Variants in AJAP1 observed in about 807,000 individuals in gnomAD.
The protein encoded by AJAP1 is adherens junctions associated protein 1, also known as adherens junction-associated protein 1.
A neutral mutation model predicts 35.0 loss-of-function variants in AJAP1; 5 were observed. The ratio of observed to expected loss-of-function variants is 0.14; its 90% CI spans 0.07 to 0.30. The LOEUF (loss-of-function observed/expected upper bound fraction) is 0.30, where lower values mean the gene tolerates loss of function less well. Among genes scored for constraint, AJAP1 ranks in the 10% least tolerant of loss-of-function variants. AJAP1 has a pLI of 1.00. For missense variants in AJAP1, 586 were observed against 571.0 expected, an observed-to-expected ratio of 1.03 and a Z score of -0.27; for synonymous variants, 284 against 249.3, an observed-to-expected ratio of 1.14 and a Z score of -1.31.
intron 2 of AJAP1, among the ~76,000 whole-genome samples, chr1:4,726,142 G>T (rs1640653213): frequency 6.6e-6 from 1 of 151,940 alleles, no homozygotes; most frequent in African/African-American, 2.4e-5. Flanking sequence ...GAGTTGGAGA[G>T]AGCTGGGCAC....
intron 5 of AJAP1, among the ~76,000 whole-genome samples, chr1:4,780,300 G>A (rs572061639): frequency 7.2e-4 from 108 of 150,832 alleles, no homozygotes; most frequent in African/African-American, 2.3e-3. Flanking sequence ...CTCACTCCCC[G>A]TCTCCCCCCA....
chr1:4,709,651 G>A (rs973214889), intron 1 of AJAP1, among the ~76,000 whole-genome samples: 8 of 152,220 alleles, frequency 5.3e-5, no homozygotes, highest in African/African-American at 1.9e-4. Context: ...ACCTTAGTGT[G>A]TATATGGGGG....
intron 2 of AJAP1, among the ~76,000 whole-genome samples, chr1:4,745,767 T>G (rs1466020398): frequency 6.6e-6 from 1 of 152,166 alleles, no homozygotes; most frequent in Non-Finnish European, 1.5e-5. Flanking sequence ...TGCTGGGTCC[T>G]GGGCAGCGCT....
At chr1:4,663,316 A>G (rs1425766815) in intron 1 of AJAP1, among the ~76,000 whole-genome samples, 1 of 151,536 alleles carries the variant, frequency 6.6e-6, no homozygotes, top group African/African-American at 2.4e-5. Context: ...GGCCAGGGTC[A>G]TAGGCACAGG....
intron 1 of AJAP1, among the ~76,000 whole-genome samples, chr1:4,707,511 G>A (rs1241488518): frequency 6.6e-6 from 1 of 152,094 alleles, no homozygotes; most frequent in African/African-American, 2.4e-5. Flanking sequence ...ACCGGGCACC[G>A]TGTAGCCTTG....
Position 4,655,567 on chromosome 1 carries a change from G to A in AJAP1, c.29+113G>A. 7.4e-7 allele frequency: 1 copy of A among 1,358,598 alleles called. No homozygotes were observed. Among genetic ancestry groups the A allele is most frequent in the Non-Finnish European group, 1.0e-6 (1 of 1,003,206 alleles). 84.2% of individuals were successfully genotyped at this position (1,358,598 alleles called of 1,614,324 possible). A position where few individuals can be genotyped will look rare whatever the true frequency, so the allele number is the denominator to read the frequency against. ...AGGGACCCCTCTTCGCTTCCCGCAAGCGGGCAACGGGGTGCACCGGTAGCC... is the reference window on the plus strand; with the variant it reads ...AGGGACCCCTCTTCGCTTCCCGCAAACGGGCAACGGGGTGCACCGGTAGCC... On this transcript the variant is annotated intron_variant, in intron 1 of 5. Coordinates refer to ENST00000378191, the MANE Select transcript of AJAP1 (RefSeq NM_018836.4). The surrounding 1 kb of genome is among the most constrained non-coding windows in gnomAD (Gnocchi z 6.9).
rs1251200302 is a variant in AJAP1, at chr1:4,720,215, G to A, written c.829+7516G>A. Reference sequence around the variant, plus strand: ...CGAGTAATGGACCCATGTGCCACGTGGTTAGACATGAAGACAGGCTTCGGG... The same window carrying A: ...CGAGTAATGGACCCATGTGCCACGTAGTTAGACATGAAGACAGGCTTCGGG... On this transcript the variant is annotated intron_variant, in intron 2 of 5. Coordinates refer to ENST00000378191, the MANE Select transcript of AJAP1 (RefSeq NM_018836.4). This position sits in a 1 kb window ranked among gnomAD's most constrained non-coding sequence, Gnocchi z 4.4. Among the ~76,000 whole-genome samples, 2 of 152,206 alleles carry A rather than the reference G, an allele frequency of 1.3e-5. No individual in the cohort carries two copies. The highest frequency in any genetic ancestry group is 4.8e-5 in the African/African-American group (2 of 41,442).
chr1:4,708,824 C>A (rs1044304639), intron 1 of AJAP1, among the ~76,000 whole-genome samples: 1 of 128,158 alleles, frequency 7.8e-6, no homozygotes, highest in Non-Finnish European at 1.7e-5. Flanking sequence ...CCCTGCCCCC[C>A]ACATTTCTTG....
Position 4,655,652 on chromosome 1 carries a change from G to C in AJAP1, c.29+198G>C, listed in dbSNP as rs1208681910. Among the ~76,000 whole-genome samples, 1 of 151,324 alleles carries C rather than the reference G, an allele frequency of 6.6e-6. No individual in the cohort carries two copies. Among genetic ancestry groups the C allele is most frequent in the African/African-American group, 2.4e-5 (1 of 41,352 alleles). ...CCGCGGCCCTGGCGGGGAGCGGCCG[G>C]GTCTCCAGGGTTCCGCGCGTCCGGG... On this transcript the variant is annotated intron_variant, in intron 1 of 5. Coordinates refer to ENST00000378191, the MANE Select transcript of AJAP1 (RefSeq NM_018836.4). The surrounding 1 kb of genome is among the most constrained non-coding windows in gnomAD (Gnocchi z 6.9).
chr1:4,713,088 C>T (rs1286267973), intron 2 of AJAP1, among the ~76,000 whole-genome samples: 1 of 152,110 alleles, frequency 6.6e-6, no homozygotes, highest in Non-Finnish European at 1.5e-5. Context: ...GATGCTTGCC[C>T]GTCTCGTGAT....
intron 2 of AJAP1, among the ~76,000 whole-genome samples, chr1:4,768,739 G>A (rs901888712): frequency 7.2e-5 from 11 of 152,318 alleles, no homozygotes; most frequent in Middle Eastern, 3.4e-3. Flanking sequence ...CGGGCTTGGC[G>A]GACTCCCTCA....
chr1:4,727,124 G>A (rs866032912), intron 2 of AJAP1, among the ~76,000 whole-genome samples: 7 of 152,366 alleles, frequency 4.6e-5, no homozygotes, highest in Middle Eastern at 3.4e-3. Flanking sequence ...TCGGAGCTGG[G>A]GCGCACACAG....
At chr1:4,748,747 CAAAA>C (rs70955802) in intron 2 of AJAP1, among the ~76,000 whole-genome samples, 29,849 of 98,342 alleles carry the variant, frequency 0.3, 3,635 homozygotes, top group Middle Eastern at 0.37. Context: ...GACTCTGTCT[CAAAA>C]AAAAAAAAAA....
chr1:4,760,628 G>A (rs1217100339), intron 2 of AJAP1, among the ~76,000 whole-genome samples: 2 of 152,184 alleles, frequency 1.3e-5, no homozygotes, highest in African/African-American at 4.8e-5. Context: ...CCCATCTGTT[G>A]GGCCGCATTC....
At chr1:4,725,289 G>A (rs964155744) in intron 2 of AJAP1, among the ~76,000 whole-genome samples, 4 of 152,156 alleles carry the variant, frequency 2.6e-5, no homozygotes, top group African/African-American at 9.7e-5. Flanking sequence ...TGCTCCAGTG[G>A]GCACTCACTT....
At position 4,723,893 on chromosome 1, in the gene AJAP1, C is replaced by T. The variant is rs1640585076; in HGVS notation, c.829+11194C>T. ...TGTGGCAGGGACGGAGGAACGGGGA[C>T]AATACAGAAGCCAAGTCCTTAAGGG... On this transcript the variant is annotated intron_variant, in intron 2 of 5. Transcript: ENST00000378191. The surrounding 1 kb of genome is among the most constrained non-coding windows in gnomAD (Gnocchi z 4.3). 2.0e-5 allele frequency among the ~76,000 whole-genome samples: 3 copies of T among 152,056 alleles called. No homozygotes were observed. The highest frequency in any genetic ancestry group is 3.4e-3 in the Middle Eastern group (1 of 294).
rs538229204 is a variant in AJAP1, at chr1:4,754,162, G to GA, written c.830-15684dup. Among the ~76,000 whole-genome samples the GA allele has an allele frequency of 5.3e-5, 8 of 152,236 alleles. 1 individual carries two copies. The South Asian group carries it at 1.7e-3, about 32-fold the overall frequency. On this transcript the variant is annotated intron_variant, in intron 2 of 5. Coordinates refer to ENST00000378191, the MANE Select transcript of AJAP1 (RefSeq NM_018836.4). The stretch of plus-strand genomic sequence containing the variant: ...ATGGTTTTGTCATGTTTAGAAGGTT[G>GA]AAAAAAATTAAAAGGATAACGGTTT...
chr1:4,674,730 T>G (rs566243596), intron 1 of AJAP1, among the ~76,000 whole-genome samples: 1 of 152,182 alleles, frequency 6.6e-6, no homozygotes, highest in African/African-American at 2.4e-5. Context: ...TCTAGTTCTC[T>G]GAGGGATCGG....
chr1:4,660,628 G>A lies in AJAP1; in HGVS notation c.29+5174G>A, dbSNP rs542074546. 2.0e-5 allele frequency among the ~76,000 whole-genome samples: 3 copies of A among 152,194 alleles called. No individual in the cohort carries two copies. The South Asian group carries it at 6.2e-4, about 32-fold the overall frequency. On this transcript the variant is annotated intron_variant, in intron 1 of 5. Transcript: ENST00000378191. ...TAACTGATCTGACTGGCAAGCATGGGCACACGTGTGTGTATGTGAGTATTT... is the reference window on the plus strand; with the variant it reads ...TAACTGATCTGACTGGCAAGCATGGACACACGTGTGTGTATGTGAGTATTT...
Sources: allele counts gnomAD v4.1 joint callset (sites outside exome capture counted in the v4.1 genomes callset), GRCh38; gene constraint gnomAD v4.1.1; non-coding constraint Gnocchi (gnomAD v3.1); transcripts MANE v1.5; gene names NCBI Gene and HGNC (gene_info 2026-07-23, HGNC 2026-07-21).